The following DRD2 variants were observed in gnomAD, a reference collection of about 807,000 sequenced individuals.
DRD2 encodes dopamine receptor D2, also known as D(2) dopamine receptor.
A neutral mutation model predicts 38.0 loss-of-function variants in DRD2; 8 were observed. That is an observed-to-expected ratio of 0.21 (90% CI 0.12 to 0.38). DRD2 has a LOEUF of 0.38. Ranked by LOEUF, DRD2 falls within the 10% of genes least tolerant of loss-of-function variation. The pLI, the probability that DRD2 is intolerant of heterozygous loss-of-function variation, is 1.00. For synonymous variants in DRD2, 230 were observed against 238.6 expected, an observed-to-expected ratio of 0.96 and a Z score of 0.33; for missense variants, 403 against 607.7, an observed-to-expected ratio of 0.66 and a Z score of 3.54.
In DRD2 at chr11:113,424,702, A is replaced by G. The variant is rs1950922652; in HGVS notation, c.-31-20T>C. On this transcript the variant is annotated intron_variant, in intron 1 of 7. Coordinates refer to ENST00000362072, the MANE Select transcript of DRD2 (RefSeq NM_000795.4). ...CAGGCTCTGGCCAGGAAAAATGGACACAAGGTGTCAGTGAGAGGGCCTCTT... is the reference window on the plus strand; with the variant it reads ...CAGGCTCTGGCCAGGAAAAATGGACGCAAGGTGTCAGTGAGAGGGCCTCTT... 6.2e-7 allele frequency: 1 copy of G among 1,611,968 alleles called. No homozygotes were observed. Among genetic ancestry groups the G allele is most frequent in the Admixed American group, 1.7e-5 (1 of 60,002 alleles).
intron 1 of DRD2, among the ~76,000 whole-genome samples, chr11:113,448,635 T>C (rs542800756): frequency 6.6e-6 from 1 of 152,354 alleles, no homozygotes; most frequent in South Asian, 2.1e-4. Context: ...TGTTGTTCAC[T>C]GTCCTCATCC....
intron 1 of DRD2, among the ~76,000 whole-genome samples, chr11:113,433,493 G>A (rs1951007740): frequency 6.6e-6 from 1 of 152,192 alleles, no homozygotes; most frequent in African/African-American, 2.4e-5. Context: ...AGAGGCTGCT[G>A]TGGGAGACAG....
At chr11:113,459,201 A>G (rs1023988725) in intron 1 of DRD2, among the ~76,000 whole-genome samples, 7 of 152,242 alleles carry the variant, frequency 4.6e-5, no homozygotes, top group Non-Finnish European at 1.0e-4. Flanking sequence ...TAAGGAAGAT[A>G]ATATAGTCAG....
At chr11:113,437,371 G>T (rs905452320) in intron 1 of DRD2, among the ~76,000 whole-genome samples, 18 of 152,238 alleles carry the variant, frequency 1.2e-4, no homozygotes, top group Middle Eastern at 3.4e-3. Flanking sequence ...CATCTACACG[G>T]TTCCTTCATG....
chr11:113,461,454 C>G (rs1256049697), intron 1 of DRD2, among the ~76,000 whole-genome samples: 2 of 152,172 alleles, frequency 1.3e-5, no homozygotes, highest in African/African-American at 4.8e-5. Context: ...CAGGGAGCAG[C>G]AGTAAAATGA....
chr11:113,411,473 C>T (rs796875012), intron 7 of DRD2: 1 of 153,812 alleles, frequency 6.5e-6, no homozygotes, highest in South Asian at 2.0e-4. Context: ...TAGTCCCTGC[C>T]TTGAACCATG....
At chr11:113,418,225 C>T in intron 2 of DRD2, 89 bp from the exon 3 acceptor site, 1 of 1,093,962 alleles carries the variant, frequency 9.1e-7, no homozygotes, top group Non-Finnish European at 1.4e-6. Context: ...CCGATGAGGC[C>T]ACAGACTCAG....
chr11:113,451,651 C>T (rs144898033), intron 1 of DRD2, among the ~76,000 whole-genome samples: 16 of 152,016 alleles, frequency 1.1e-4, no homozygotes, highest in Non-Finnish European at 1.6e-4. Context: ...CTACCACGCC[C>T]GGCTAATTTT....
At chr11:113,437,369 C>T (rs138498237) in intron 1 of DRD2, among the ~76,000 whole-genome samples, 104 of 152,240 alleles carry the variant, frequency 6.8e-4, no homozygotes, top group African/African-American at 2.4e-3. Context: ...CACATCTACA[C>T]GGTTCCTTCA....
intron 2 of DRD2, among the ~76,000 whole-genome samples, chr11:113,421,264 G>T (rs1397875263): frequency 6.6e-6 from 1 of 152,134 alleles, no homozygotes; most frequent in African/African-American, 2.4e-5. Flanking sequence ...CTCCTATGGG[G>T]ACTGCTCCAC....
intron 1 of DRD2, among the ~76,000 whole-genome samples, chr11:113,459,445 C>T (rs1951296790): frequency 6.6e-6 from 1 of 152,134 alleles, no homozygotes; most frequent in Non-Finnish European, 1.5e-5. Context: ...AATCAGAGGA[C>T]AAGAAAAGTT....
intron 1 of DRD2, 77 bp from the exon 2 acceptor site, chr11:113,424,759 G>T: frequency 7.3e-7 from 1 of 1,376,040 alleles, no homozygotes. Context: ...ACCAACTCCT[G>T]GCATTTAATA....
At chr11:113,414,275 C>A in intron 6 of DRD2, 100 bp downstream of exon 6, 1 of 1,127,146 alleles carries the variant, frequency 8.9e-7, no homozygotes, top group South Asian at 1.2e-5. Flanking sequence ...TTCTGGGGTG[C>A]TTCTCCCATT....
chr11:113,411,340 T>C (rs534366469), intron 7 of DRD2, among the ~76,000 whole-genome samples: 4 of 152,264 alleles, frequency 2.6e-5, no homozygotes, highest in African/African-American at 9.6e-5. Context: ...CTCTGCAATA[T>C]ACCCAAGGTC....
At chr11:113,468,382 A>T (rs757453887) in intron 1 of DRD2, among the ~76,000 whole-genome samples, 1 of 152,220 alleles carries the variant, frequency 6.6e-6, no homozygotes, top group Non-Finnish European at 1.5e-5. Context: ...TCAACAACAG[A>T]GGAGTCTTCT....
At position 113,434,785 on chromosome 11, in the gene DRD2, C is replaced by T. The variant is rs907469089; in HGVS notation, c.-31-10103G>A. On this transcript the variant is annotated intron_variant, in intron 1 of 7. Coordinates refer to ENST00000362072, the MANE Select transcript of DRD2 (RefSeq NM_000795.4). The stretch of plus-strand genomic sequence containing the variant: ...GCAGGCCAAGGGAGCCATCCCCCCC[C>T]ATCAGCACCAGCCAGAGACTACCAA... 1.3e-5 allele frequency among the ~76,000 whole-genome samples: 2 copies of T among 151,984 alleles called. 1 individual carries two copies. The highest frequency in any genetic ancestry group is 4.2e-4 in the South Asian group (2 of 4,814).
Position 113,424,397 on chromosome 11 carries a change from T to C in DRD2, c.255A>G (p.Thr85=), listed in dbSNP as rs763519955. ...GGTAGACAACCCAGGGCATGACCAG[T>C]GTGGCGACGAGGAGGTCGGCCACTG... ...SLAVADLLVA[T]LVMPWVVYLE... Residue 85 remains threonine (T), a synonymous_variant, in exon 2 of 8, where the codon ACA becomes ACG. Coordinates refer to ENST00000362072, the MANE Select transcript of DRD2 (RefSeq NM_000795.4). 26 of 1,614,074 alleles carry C rather than the reference T, an allele frequency of 1.6e-5. No individual in the cohort carries two copies. The highest frequency in any genetic ancestry group is 2.0e-5 in the Non-Finnish European group (24 of 1,180,044).
At chr11:113,461,702 C>A (rs1027307432) in intron 1 of DRD2, among the ~76,000 whole-genome samples, 3 of 152,162 alleles carry the variant, frequency 2.0e-5, no homozygotes, top group Non-Finnish European at 4.4e-5. Flanking sequence ...GAAATTAGAG[C>A]ATTAGTCTGA....
intron 1 of DRD2, among the ~76,000 whole-genome samples, chr11:113,458,581 G>A (rs977719850): frequency 6.6e-6 from 1 of 152,178 alleles, no homozygotes; most frequent in African/African-American, 2.4e-5. Flanking sequence ...TTGATCTGGG[G>A]GAAAAAATGC....
Sources: gnomAD v4.1 joint callset for allele counts (sites outside exome capture counted in the v4.1 genomes callset) on GRCh38, gnomAD v4.1.1 for gene constraint, MANE v1.5 for transcripts, NCBI Gene and HGNC (gene_info 2026-07-23, HGNC 2026-07-21) for gene names.